PTPRN2: variants seen among roughly 807,000 people sequenced by gnomAD.
PTPRN2 encodes the protein protein tyrosine phosphatase receptor type N2.
PTPRN2 carries 74 observed loss-of-function variants against 118.8 expected under a neutral mutation model. The observed-to-expected ratio is 0.62, with a 90% CI of 0.52 to 0.76. The LOEUF is 0.76. Among genes scored for constraint, PTPRN2 ranks in the 30% least tolerant of loss-of-function variants. The probability of loss-of-function intolerance (pLI) is 0.00; values close to 1 mark genes in which losing one functional copy is unlikely to be tolerated. For missense variants in PTPRN2, 1,481 were observed against 1,394.4 expected (o/e 1.06, Z -0.99); for synonymous variants, 641 against 608.0 (o/e 1.05, Z -0.80).
At position 158,040,341 on chromosome 7, in the gene PTPRN2, G is replaced by A. The variant is rs142230922; in HGVS notation, c.1723+40957C>T. Among the ~76,000 whole-genome samples, 222 of 151,038 alleles carry A rather than the reference G, an allele frequency of 1.5e-3. 3 individuals are homozygous for A. In the South Asian group the frequency reaches 0.019, roughly 13 times the overall value. On this transcript the variant is annotated intron_variant, in intron 11 of 22. Coordinates refer to ENST00000389418, the MANE Select transcript of PTPRN2 (RefSeq NM_002847.5). ...CACACAGATGCACACACACGGACAC[G>A]CACACACATGCATATACACATGCAC...
intron 12 of PTPRN2, chr7:157,857,316 G>C (rs1005399825): frequency 1.3e-5 from 2 of 152,284 alleles, no homozygotes; most frequent in African/African-American, 4.8e-5. Flanking sequence ...GTTGAGTCCA[G>C]AGGTCCGTGC....
At chr7:157,842,835 C>T (rs1210097834) in intron 12 of PTPRN2, among the ~76,000 whole-genome samples, 1 of 152,196 alleles carries the variant, frequency 6.6e-6, no homozygotes, top group Non-Finnish European at 1.5e-5. Context: ...CAAATGCTTT[C>T]TAACTATTCT....
chr7:158,497,733 G>A (rs904942889), intron 1 of PTPRN2, among the ~76,000 whole-genome samples: 9 of 152,358 alleles, frequency 5.9e-5, no homozygotes, highest in South Asian at 2.1e-4. Flanking sequence ...TGCCATGAAC[G>A]ATGGGAGCTG....
chr7:157,934,438 G>C (rs556733899), intron 11 of PTPRN2, among the ~76,000 whole-genome samples: 1 of 152,316 alleles, frequency 6.6e-6, no homozygotes, highest in South Asian at 2.1e-4. Flanking sequence ...AGCAGAGAGA[G>C]GGAAAGAAAA....
Position 157,618,620 on chromosome 7 carries a change from T to G in PTPRN2, c.2344+2742A>C, listed in dbSNP as rs1431045195. 6.6e-6 allele frequency: 1 copy of G among 152,130 alleles called. No individual in the cohort carries two copies. Among genetic ancestry groups the G allele is most frequent in the African/African-American group, 2.4e-5 (1 of 41,428 alleles). 9.4% of individuals were successfully genotyped at this position (152,130 alleles called of 1,614,324 possible). On this transcript the variant is annotated intron_variant, in intron 15 of 22. Coordinates refer to ENST00000389418, the MANE Select transcript of PTPRN2 (RefSeq NM_002847.5). This position sits in a 1 kb window ranked among gnomAD's most constrained non-coding sequence, Gnocchi z 4.2. ...AGTGAAGATGGAGGAGGCGGCCATC[T>G]CTCTGGGGCCTGGCAACAGCGAGAG...
chr7:158,206,260 T>G (rs1335006461), intron 3 of PTPRN2, among the ~76,000 whole-genome samples: 1 of 152,146 alleles, frequency 6.6e-6, no homozygotes, highest in Non-Finnish European at 1.5e-5. Flanking sequence ...GATAGGGCAC[T>G]GGGCAGAGTC....
At chr7:158,461,683 A>G (rs1819002189) in intron 2 of PTPRN2, among the ~76,000 whole-genome samples, 1 of 152,168 alleles carries the variant, frequency 6.6e-6, no homozygotes, top group Non-Finnish European at 1.5e-5. Context: ...ACTACACGCG[A>G]GCATTTCCCG....
At chr7:157,638,248 A>C (rs114022523) in intron 14 of PTPRN2, among the ~76,000 whole-genome samples, 62 of 152,286 alleles carry the variant, frequency 4.1e-4, no homozygotes, top group African/African-American at 1.5e-3. Context: ...TGCGAGACAA[A>C]GTTATTGTCC....
chr7:158,505,474 T>C (rs1306240125), intron 1 of PTPRN2, among the ~76,000 whole-genome samples: 1 of 152,200 alleles, frequency 6.6e-6, no homozygotes, highest in African/African-American at 2.4e-5. Context: ...CTGTGTGGTG[T>C]CCAAGTCCCC....
chr7:158,332,497 ACT>A (rs1193926469), intron 2 of PTPRN2, among the ~76,000 whole-genome samples: 2 of 147,994 alleles, frequency 1.4e-5, no homozygotes, highest in Non-Finnish European at 3.0e-5. Flanking sequence ...TCACACCCAC[ACT>A]CTCACCATAA....
intron 11 of PTPRN2, among the ~76,000 whole-genome samples, chr7:158,071,638 AGATGCTCGTGG>A (rs1398052159): frequency 2.9e-5 from 3 of 103,046 alleles, no homozygotes; most frequent in Non-Finnish European, 5.9e-5. Flanking sequence ...GTGGTGGTGG[AGATGCTCGTGG>A]TGATGGAGGT....
chr7:158,204,304 C>G (rs182671263), intron 4 of PTPRN2, among the ~76,000 whole-genome samples: 5 of 152,116 alleles, frequency 3.3e-5, no homozygotes, highest in African/African-American at 1.2e-4. Flanking sequence ...AGGCAACCCG[C>G]GCCCTCAGTG....
chr7:157,947,686 A>G (rs931027968), intron 11 of PTPRN2, among the ~76,000 whole-genome samples: 2 of 149,706 alleles, frequency 1.3e-5, no homozygotes, highest in Non-Finnish European at 2.9e-5. Flanking sequence ...TTGATGAAAG[A>G]CATGAATATA....
At chr7:157,778,255 C>T (rs990387419) in intron 12 of PTPRN2, among the ~76,000 whole-genome samples, 1 of 152,182 alleles carries the variant, frequency 6.6e-6, no homozygotes, top group African/African-American at 2.4e-5. Flanking sequence ...ATGCAGGCGT[C>T]GAATGCCCAA....
intron 3 of PTPRN2, among the ~76,000 whole-genome samples, chr7:158,314,003 C>A (rs1161207281): frequency 6.6e-6 from 1 of 151,620 alleles, no homozygotes; most frequent in African/African-American, 2.4e-5. Context: ...GGACGCCCAC[C>A]CAGGCAGGGC....
intron 2 of PTPRN2, among the ~76,000 whole-genome samples, chr7:158,329,666 T>A (rs578061733): frequency 6.6e-6 from 1 of 152,214 alleles, no homozygotes; most frequent in Admixed American, 6.5e-5. Flanking sequence ...TAGGTGGTAC[T>A]TTGAGCAGCC....
At chr7:157,683,389 C>T (rs1797006014) in intron 12 of PTPRN2, among the ~76,000 whole-genome samples, 1 of 152,170 alleles carries the variant, frequency 6.6e-6, no homozygotes, top group South Asian at 2.1e-4. Context: ...CAAGTAGCCA[C>T]CAAGTCCAGC....
chr7:158,071,123 G>GTGGTGGTGGAGGTGCTCA (rs1811421101), intron 11 of PTPRN2, among the ~76,000 whole-genome samples: 1 of 54,892 alleles, frequency 1.8e-5, no homozygotes, highest in Non-Finnish European at 3.5e-5. Context: ...GGAGGTGCCC[G>GTGGTGGTGGAGGTGCTCA]TGGTGGTGGA....
In PTPRN2 at chr7:157,625,921, C is replaced by A. The variant is rs149062939; in HGVS notation, c.2197-4412G>T. Among the ~76,000 whole-genome samples, 16 of 152,296 alleles carry A rather than the reference C, an allele frequency of 1.1e-4. No homozygotes were observed. In the East Asian group the frequency reaches 2.9e-3, roughly 28 times the overall value. On this transcript the variant is annotated intron_variant, in intron 14 of 22. Transcript: ENST00000389418. ...TAAGCAGAATGGCAACGAATAACCCCAGGGCCCACAGCAAACTGTAAGGCA... is the reference window on the plus strand; with the variant it reads ...TAAGCAGAATGGCAACGAATAACCCAAGGGCCCACAGCAAACTGTAAGGCA...
Sources: allele counts gnomAD v4.1 joint callset (sites outside exome capture counted in the v4.1 genomes callset), GRCh38; gene constraint gnomAD v4.1.1; non-coding constraint Gnocchi (gnomAD v3.1); transcripts MANE v1.5; gene names NCBI Gene and HGNC (gene_info 2026-07-23, HGNC 2026-07-21).